Variants in ANK1 observed in about 807,000 individuals in gnomAD.
The protein encoded by ANK1 is ankyrin 1.
Under a neutral mutation model 210.4 loss-of-function variants are expected in ANK1, and 51 were observed. That is an observed-to-expected ratio of 0.24 (90% CI 0.19 to 0.31). ANK1 has a LOEUF of 0.31. ANK1 is among the 10% of genes least tolerant of loss of function. The pLI is 1.00. For synonymous variants in ANK1, 967 were observed against 1,025.9 expected (o/e 0.94, Z 1.10); for missense variants, 2,051 against 2,504.4 (o/e 0.82, Z 3.86).
intron 39 of ANK1, chr8:41,665,529 T>C (rs1339652568): frequency 3.0e-6 from 1 of 334,000 alleles, no homozygotes; most frequent in African/African-American, 2.2e-5. Flanking sequence ...GGAAAGTTTC[T>C]TACTTTCAGA....
In ANK1 at chr8:41,688,138, C is replaced by T. The variant is rs763553514; in HGVS notation, c.4258+18G>A. ...TGAGATGGACAAAGTGCTTTTCTGC[C>T]CCCAATTCCCCACTCACCTGCCCAG... On this transcript the variant is annotated intron_variant, in intron 35 of 42. Transcript: ENST00000289734. The T allele has an allele frequency of 5.0e-6, 8 of 1,613,612 alleles. No individual in the cohort carries two copies. The highest frequency in any genetic ancestry group is 6.8e-6 in the Non-Finnish European group (8 of 1,179,516).
chr8:41,718,331 C>T (rs769596153), intron 10 of ANK1, 127 bp from the exon 11 acceptor site: 1 of 789,856 alleles, frequency 1.3e-6, no homozygotes, highest in Non-Finnish European at 2.2e-6. Flanking sequence ...GCCCATAGAC[C>T]AATCAACGAA....
chr8:41,882,813 G>A (rs765608532), intron 1 of ANK1, among the ~76,000 whole-genome samples: 2 of 152,170 alleles, frequency 1.3e-5, no homozygotes, highest in African/African-American at 4.8e-5. Flanking sequence ...CTGGAGTCAG[G>A]GCCTCCACGC....
At chr8:41,759,118 A>G (rs1034968560) in intron 1 of ANK1, among the ~76,000 whole-genome samples, 1 of 152,326 alleles carries the variant, frequency 6.6e-6, no homozygotes, top group Middle Eastern at 3.4e-3. Context: ...CATTATTAGC[A>G]CTTTACATAT....
chr8:41,774,816 T>C (rs1843661301), intron 1 of ANK1, among the ~76,000 whole-genome samples: 1 of 152,224 alleles, frequency 6.6e-6, no homozygotes, highest in African/African-American at 2.4e-5. Context: ...CATTTAGAAT[T>C]GACACTTCAG....
At chr8:41,715,260 G>A (rs1276469487) in intron 14 of ANK1, among the ~76,000 whole-genome samples, 186 bp from the exon 15 acceptor site, 2 of 152,176 alleles carry the variant, frequency 1.3e-5, no homozygotes, top group Non-Finnish European at 2.9e-5. Context: ...CTGCACTTAC[G>A]GTCCACACTC....
At chr8:41,785,938 C>T (rs1025194259) in intron 1 of ANK1, among the ~76,000 whole-genome samples, 1 of 152,180 alleles carries the variant, frequency 6.6e-6, no homozygotes, top group Admixed American at 6.5e-5. Flanking sequence ...TTGTCATCAG[C>T]GGTACTCTCC....
At position 41,797,615 on chromosome 8, in the gene ANK1, C is replaced by A. The variant is rs1012736495; in HGVS notation, c.-77G>T. 6.2e-7 allele frequency: 1 copy of A among 1,601,014 alleles called. No individual in the cohort carries two copies. The highest frequency in any genetic ancestry group is 8.5e-7 in the Non-Finnish European group (1 of 1,175,070). Reference sequence around the variant, plus strand: ...GCAGCTGGGGCTGGCGGACTCACCGCAGCCTCTGCGGGGCCTGTGACGTGC... The same window carrying A: ...GCAGCTGGGGCTGGCGGACTCACCGAAGCCTCTGCGGGGCCTGTGACGTGC... On this transcript the variant is annotated 5_prime_UTR_variant, in exon 1 of 43. Transcript: ENST00000289734. The surrounding 1 kb of genome is among the most constrained non-coding windows in gnomAD (Gnocchi z 4.0).
At chr8:41,870,429 A>G (rs758956732) in intron 1 of ANK1, among the ~76,000 whole-genome samples, 1 of 152,164 alleles carries the variant, frequency 6.6e-6, no homozygotes, top group Non-Finnish European at 1.5e-5. Context: ...TCACACCCCA[A>G]GCAAGGTTCC....
chr8:41,848,469 C>G (rs982485995), intron 1 of ANK1, among the ~76,000 whole-genome samples: 2 of 152,192 alleles, frequency 1.3e-5, no homozygotes, highest in African/African-American at 4.8e-5. Context: ...CCTGCAGAGC[C>G]GAGCCCAGGG....
At position 41,692,994 on chromosome 8, in the gene ANK1, G is replaced by A; in HGVS notation, c.3629+111C>T. ...TACTATTGCCACACCTGTGGTCACG[G>A]AGGCTTCCACATGGAGGGGACAGTG... On this transcript the variant is annotated intron_variant, in intron 30 of 42. Transcript: ENST00000289734. 25 of 1,514,088 alleles carry A rather than the reference G, an allele frequency of 1.7e-5. No homozygotes were observed. The Middle Eastern group carries it at 1.9e-3, about 113-fold the overall frequency. The allele number at this position is 1,514,088 out of a possible 1,614,324, so 93.8% of individuals were successfully genotyped here. A position where few individuals can be genotyped will look rare whatever the true frequency, so the allele number is the denominator to read the frequency against.
intron 3 of ANK1, among the ~76,000 whole-genome samples, chr8:41,730,659 A>G (rs1183877502): frequency 6.6e-6 from 1 of 152,214 alleles, no homozygotes; most frequent in Non-Finnish European, 1.5e-5. Context: ...TTTTCATAGA[A>G]GTCCAAAGAG....
At chr8:41,853,297 T>C (rs1040949322) in intron 1 of ANK1, among the ~76,000 whole-genome samples, 1 of 152,238 alleles carries the variant, frequency 6.6e-6, no homozygotes, top group Non-Finnish European at 1.5e-5. Context: ...TCTACAAAAA[T>C]GTCTGGCAAC....
intron 31 of ANK1, 76 bp downstream of exon 31, chr8:41,692,572 G>A: frequency 1.4e-6 from 2 of 1,441,830 alleles, no homozygotes; most frequent in Non-Finnish European, 1.9e-6. Flanking sequence ...CTGCCTGCCT[G>A]CACCTGGTAA....
At chr8:41,769,838 T>C (rs1842636093) in intron 1 of ANK1, among the ~76,000 whole-genome samples, 1 of 152,146 alleles carries the variant, frequency 6.6e-6, no homozygotes, top group Non-Finnish European at 1.5e-5. Context: ...GACATCCTAA[T>C]AGATGCACCA....
chr8:41,837,440 C>T (rs991534638), intron 1 of ANK1, among the ~76,000 whole-genome samples: 2 of 152,174 alleles, frequency 1.3e-5, no homozygotes, highest in Non-Finnish European at 2.9e-5. Context: ...CCTAGTCCAC[C>T]ATTAGTGACC....
chr8:41,706,582 C>T (rs556446611), intron 17 of ANK1, among the ~76,000 whole-genome samples: 2 of 152,348 alleles, frequency 1.3e-5, no homozygotes, highest in South Asian at 4.1e-4. Context: ...CCCACGGGCC[C>T]ATAGTTTGCT....
chr8:41,761,379 A>ACG (rs72170172), intron 1 of ANK1, among the ~76,000 whole-genome samples: 1 of 151,960 alleles, frequency 6.6e-6, no homozygotes, highest in African/African-American at 2.4e-5. Context: ...GTGCACACAC[A>ACG]CACACACACA....
intron 1 of ANK1, among the ~76,000 whole-genome samples, chr8:41,766,512 C>T (rs889204460): frequency 6.6e-6 from 1 of 152,230 alleles, no homozygotes; most frequent in Non-Finnish European, 1.5e-5. Context: ...GGAAACAAGA[C>T]GCCTGAGCGG....
Sources: gnomAD v4.1 joint callset for allele counts (sites outside exome capture counted in the v4.1 genomes callset) on GRCh38, gnomAD v4.1.1 for gene constraint, Gnocchi (gnomAD v3.1) non-coding constraint, MANE v1.5 for transcripts, NCBI Gene and HGNC (gene_info 2026-07-23, HGNC 2026-07-21) for gene names.